The following RAPGEF4 variants were observed in gnomAD, a reference collection of about 807,000 sequenced individuals.
RAPGEF4 encodes the protein RAP guanine-nucleotide-exchange factor (GEF) 4.
A neutral mutation model predicts 147.9 loss-of-function variants in RAPGEF4; 66 were observed. The observed-to-expected ratio is 0.45, with a 90% confidence interval of 0.37 to 0.55. The LOEUF is 0.55. Among genes scored for constraint, RAPGEF4 ranks in the 20% least tolerant of loss-of-function variants. RAPGEF4 has a pLI of 0.00. For synonymous variants in RAPGEF4, 419 were observed against 442.7 expected (o/e 0.95, Z 0.67); for missense variants, 1,071 against 1,257.3 (o/e 0.85, Z 2.24).
chr2:172,864,422 C>A (rs1431558522), intron 4 of RAPGEF4, among the ~76,000 whole-genome samples: 1 of 152,222 alleles, frequency 6.6e-6, no homozygotes, highest in African/African-American at 2.4e-5. Flanking sequence ...GCTTCAGCCT[C>A]AGAGAAGTTG....
chr2:172,958,230 C>A (rs113103182), intron 6 of RAPGEF4, among the ~76,000 whole-genome samples: 6 of 152,170 alleles, frequency 3.9e-5, no homozygotes, highest in African/African-American at 1.4e-4. Flanking sequence ...TACCTCTTTA[C>A]TCTAAGACAA....
intron 12 of RAPGEF4, among the ~76,000 whole-genome samples, chr2:172,986,699 T>C (rs115940980): frequency 2.6e-4 from 24 of 92,732 alleles, no homozygotes; most frequent in South Asian, 4.1e-4. Context: ...TCATATTTTC[T>C]TTTTTTTTTT....
At chr2:172,999,070 G>A (rs1028260101) in intron 16 of RAPGEF4, among the ~76,000 whole-genome samples, 4 of 152,192 alleles carry the variant, frequency 2.6e-5, no homozygotes, top group Admixed American at 6.5e-5. Context: ...CCCATGGGCA[G>A]TGTGCCAAGA....
chr2:173,030,374 A>G (rs964865934), intron 26 of RAPGEF4, 120 bp downstream of exon 26: 2 of 767,286 alleles, frequency 2.6e-6, no homozygotes, highest in Non-Finnish European at 4.3e-6. Flanking sequence ...AAGGTGGGAC[A>G]CTTGGAGGGA....
chr2:173,026,140 A>T (rs1027474993), intron 23 of RAPGEF4, among the ~76,000 whole-genome samples: 1 of 152,166 alleles, frequency 6.6e-6, no homozygotes, highest in African/African-American at 2.4e-5. Context: ...CGGCAGCAGG[A>T]AGTAGCACTG....
At chr2:172,903,345 G>A (rs939799071) in intron 4 of RAPGEF4, among the ~76,000 whole-genome samples, 1 of 147,502 alleles carries the variant, frequency 6.8e-6, no homozygotes, top group Non-Finnish European at 1.5e-5. Flanking sequence ...CTCCAGACTG[G>A]GGGACAGAGT....
intron 3 of RAPGEF4, among the ~76,000 whole-genome samples, chr2:172,808,745 GCA>G (rs1687736647): frequency 6.6e-6 from 1 of 152,306 alleles, no homozygotes; most frequent in East Asian, 1.9e-4. Flanking sequence ...GCTCTGGGGA[GCA>G]TTTTGCCCAA....
chr2:172,744,030 TC>T (rs1336706552), intron 1 of RAPGEF4: 1 of 165,460 alleles, frequency 6.0e-6, no homozygotes, highest in Non-Finnish European at 1.3e-5. Flanking sequence ...GTTGACCTCA[TC>T]TTTTTTAGCC....
At chr2:172,830,864 C>G (rs1348652984) in intron 4 of RAPGEF4, among the ~76,000 whole-genome samples, 1 of 152,166 alleles carries the variant, frequency 6.6e-6, no homozygotes, top group Non-Finnish European at 1.5e-5. Flanking sequence ...AAAAGTACAA[C>G]AGGGTATATA....
chr2:172,871,625 CTTTT>C (rs57511364), intron 4 of RAPGEF4, among the ~76,000 whole-genome samples: 2 of 132,318 alleles, frequency 1.5e-5, no homozygotes, highest in African/African-American at 2.8e-5. Flanking sequence ...AAAAAGCAGA[CTTTT>C]TTTTTTTTTT....
chr2:173,013,355 C>G (rs1390307244), intron 17 of RAPGEF4, among the ~76,000 whole-genome samples: 3 of 152,208 alleles, frequency 2.0e-5, no homozygotes, highest in Non-Finnish European at 4.4e-5. Context: ...CCTCTGCACT[C>G]TCACTCTGTA....
At chr2:172,783,231 G>A (rs1397356941) in intron 1 of RAPGEF4, among the ~76,000 whole-genome samples, 1 of 152,162 alleles carries the variant, frequency 6.6e-6, no homozygotes, top group East Asian at 1.9e-4. Flanking sequence ...GACAGAGTGA[G>A]GACAGAGTGG....
upstream of RAPGEF4, chr2:172,735,516 A>G (rs1337556768): frequency 2.0e-5 from 3 of 152,292 alleles, no homozygotes; most frequent in Non-Finnish European, 4.4e-5. Context: ...TATGAAAAAT[A>G]TATAGACACT....
rs1553548086 is a variant in RAPGEF4 at position 173,011,170 on chromosome 2, G to GCACA, written c.1659-3258_1659-3255dup. ...AACCTTGGAACTTCAGCGCGCGCGC[G>GCACA]CACACACACACACACACACACACAC... is the stretch of plus-strand genomic sequence containing the variant. On this transcript the variant is annotated intron_variant, in intron 17 of 30. Coordinates refer to ENST00000397081, the MANE Select transcript of RAPGEF4 (RefSeq NM_007023.4). Among the ~76,000 whole-genome samples the GCACA allele has an allele frequency of 6.1e-4, 82 of 133,538 alleles. 1 individual carries two copies. The highest frequency in any genetic ancestry group is 1.9e-3 in the African/African-American group (67 of 34,838). 87.6% of individuals were successfully genotyped at this position (133,538 alleles called of 152,430 possible).
chr2:172,954,362 G>A (rs1255941114), intron 6 of RAPGEF4, among the ~76,000 whole-genome samples: 1 of 152,120 alleles, frequency 6.6e-6, no homozygotes, highest in Admixed American at 6.5e-5. Context: ...AGGAGCCCAA[G>A]AGCACTCATT....
intron 16 of RAPGEF4, 24 bp from the exon 17 acceptor site, chr2:173,001,242 T>C (rs1046306103): frequency 1.3e-6 from 2 of 1,597,628 alleles, no homozygotes; most frequent in African/African-American, 2.8e-5. Flanking sequence ...CCTAATTTCC[T>C]TTTCTGTTTT....
rs533260946 is a variant in RAPGEF4, at chr2:172,815,247, T to C, written c.444+822T>C. 4.3e-4 allele frequency among the ~76,000 whole-genome samples: 65 copies of C among 152,356 alleles called. 1 individual carries two copies. Among genetic ancestry groups the C allele is most frequent in the Admixed American group, 7.2e-4 (11 of 15,304 alleles). The stretch of plus-strand genomic sequence containing the variant: ...AGTGTGGCTAAGATTTTAAACTTGA[T>C]CTAAAAAGAATTTTGTGTAATCAAA... On this transcript the variant is annotated intron_variant, in intron 4 of 30. Coordinates refer to ENST00000397081, the MANE Select transcript of RAPGEF4 (RefSeq NM_007023.4).
At chr2:172,815,784 G>T (rs1032955854) in intron 4 of RAPGEF4, among the ~76,000 whole-genome samples, 2 of 152,150 alleles carry the variant, frequency 1.3e-5, no homozygotes, top group Non-Finnish European at 2.9e-5. Flanking sequence ...ATATTTTAAA[G>T]ATTTATTTTA....
chr2:172,886,040 C>T (rs1697174671), intron 4 of RAPGEF4, among the ~76,000 whole-genome samples: 1 of 152,182 alleles, frequency 6.6e-6, no homozygotes, highest in Non-Finnish European at 1.5e-5. Flanking sequence ...GGCTCTTCTG[C>T]ACCACCTTTC....
Sources: allele counts gnomAD v4.1 joint callset (sites outside exome capture counted in the v4.1 genomes callset), GRCh38; gene constraint gnomAD v4.1.1; transcripts MANE v1.5; gene names NCBI Gene and HGNC (gene_info 2026-07-23, HGNC 2026-07-21).